The following LIMK2 variants were observed in gnomAD, a reference collection of about 807,000 sequenced individuals.
LIMK2 encodes LIM domain kinase 2.
Under a neutral mutation model 75.7 loss-of-function variants are expected in LIMK2, and 35 were observed. The ratio of observed to expected loss-of-function variants is 0.46; its 90% CI spans 0.35 to 0.61. The LOEUF (loss-of-function observed/expected upper bound fraction) is 0.61. Among genes scored for constraint, LIMK2 ranks in the 20% least tolerant of loss-of-function variants. The probability of loss-of-function intolerance (pLI) is 0.00; values close to 1 mark genes in which losing one functional copy is unlikely to be tolerated. For missense variants in LIMK2, 623 were observed against 831.0 expected (o/e 0.75, Z 3.08); for synonymous variants, 301 against 319.2 (o/e 0.94, Z 0.61).
chr22:31,275,494 TAGC>T (rs1165324659), intron 15 of LIMK2, 186 bp downstream of exon 15: 3 of 594,174 alleles, frequency 5.0e-6, no homozygotes, highest in Non-Finnish European at 8.9e-6. Context: ...GGTAAAGACA[TAGC>T]AGCAAGTAAT....
intron 15 of LIMK2, chr22:31,275,644 G>T: frequency 4.7e-6 from 1 of 212,398 alleles, no homozygotes; most frequent in Non-Finnish European, 9.4e-6. Flanking sequence ...TTTTTTTATA[G>T]TAAATAGTTC....
chr22:31,236,293 T>TAAAA (rs58401512), intron 2 of LIMK2, among the ~76,000 whole-genome samples: 2 of 104,142 alleles, frequency 1.9e-5, no homozygotes, highest in Admixed American at 1.0e-4. Flanking sequence ...AGACTCAGTC[T>TAAAA]AAAAAAAAAA....
intron 15 of LIMK2, chr22:31,276,882 C>G (rs745979430): frequency 5.0e-6 from 8 of 1,612,632 alleles, no homozygotes; most frequent in East Asian, 4.5e-5. Flanking sequence ...AGTATGACCC[C>G]AAGGAGCTAC....
intron 2 of LIMK2, among the ~76,000 whole-genome samples, chr22:31,256,897 A>G (rs547015166): frequency 1.3e-5 from 2 of 152,286 alleles, no homozygotes; most frequent in Non-Finnish European, 2.9e-5. Flanking sequence ...TGGGCTCAGC[A>G]GGCCAGGGAG....
chr22:31,238,981 A>G (rs1319192735), intron 2 of LIMK2, among the ~76,000 whole-genome samples: 2 of 152,252 alleles, frequency 1.3e-5, no homozygotes, highest in East Asian at 1.9e-4. Context: ...AGTATCATGG[A>G]GCAACAGTGG....
At chr22:31,239,963 T>A (rs2048610742) in intron 2 of LIMK2, among the ~76,000 whole-genome samples, 1 of 152,126 alleles carries the variant, frequency 6.6e-6, no homozygotes, top group Admixed American at 6.5e-5. Flanking sequence ...AAGACCTCAG[T>A]CTGTAAATGT....
intron 1 of LIMK2, among the ~76,000 whole-genome samples, chr22:31,213,129 T>C (rs953472569): frequency 3.3e-5 from 5 of 152,174 alleles, no homozygotes; most frequent in African/African-American, 1.2e-4. Flanking sequence ...AGTCCTCCTG[T>C]GGAAGCTCCC....
chr22:31,220,684 C>T (rs1352462922), intron 1 of LIMK2, among the ~76,000 whole-genome samples: 2 of 152,176 alleles, frequency 1.3e-5, no homozygotes, highest in Non-Finnish European at 2.9e-5. Context: ...ATTAAGGGGC[C>T]GGGAGCAGTG....
intron 2 of LIMK2, among the ~76,000 whole-genome samples, chr22:31,246,821 A>G (rs990644895): frequency 3.9e-5 from 6 of 152,046 alleles, no homozygotes; most frequent in Non-Finnish European, 7.4e-5. Flanking sequence ...TCTTGAGAAT[A>G]GTGACATAAC....
intron 2 of LIMK2, chr22:31,248,339 G>A (rs1282939399): frequency 9.8e-6 from 12 of 1,229,428 alleles, no homozygotes; most frequent in African/African-American, 1.6e-5. Flanking sequence ...ATTCAGGGGT[G>A]GGACTGAAGA....
rs778166617 is a variant in LIMK2 at position 31,266,042 on chromosome 22, T to C, written c.951T>C (p.Cys317=). Reference sequence around the variant, plus strand: ...TCAGCCGCTCAGAATCCCTTCGTTGTTCCAGCAGCTATTCACAGCAGATCT... The same window carrying C: ...TCAGCCGCTCAGAATCCCTTCGTTGCTCCAGCAGCTATTCACAGCAGATCT... ...RDISRSESLR[C]SSSYSQQIFR... The change falls in exon 8 of 16, where the codon TGT becomes TGC. Residue 317 remains cysteine, a synonymous_variant. Transcript: ENST00000331728. 3 of 1,614,198 alleles carry C rather than the reference T, an allele frequency of 1.9e-6. No individual in the cohort carries two copies. Among genetic ancestry groups the C allele is most frequent in the Non-Finnish European group, 2.5e-6 (3 of 1,180,030 alleles).
chr22:31,278,281 C>T lies in LIMK2; in HGVS notation c.1773-16C>T, dbSNP rs748833936. 1.3e-5 allele frequency: 21 copies of T among 1,604,968 alleles called. No homozygotes were observed. In the African/African-American group the frequency reaches 2.4e-4, roughly 18 times the overall value. ...TCATGTTCCACCTGCCTCTAATTTA[C>T]CTCTTTTCCTTCTAGACCAGCATTC... On this transcript the variant is annotated splice_polypyrimidine_tract_variant and intron_variant, in intron 15 of 15. Transcript: ENST00000331728.
chr22:31,229,688 G>A (rs771115380), intron 2 of LIMK2, among the ~76,000 whole-genome samples: 1 of 152,136 alleles, frequency 6.6e-6, no homozygotes, highest in Non-Finnish European at 1.5e-5. Context: ...GTCACAGGGT[G>A]GGGCTGGATA....
At position 31,278,626 on chromosome 22, in the gene LIMK2, A is replaced by C; in HGVS notation, c.*185A>C. 8 of 493,624 alleles carry C rather than the reference A, an allele frequency of 1.6e-5. No homozygotes were observed. The highest frequency in any genetic ancestry group is 7.8e-5 in the South Asian group (2 of 25,728). 30.6% of individuals were successfully genotyped at this position (493,624 alleles called of 1,614,324 possible). A position where few individuals can be genotyped will look rare whatever the true frequency, so the allele number is the denominator to read the frequency against. ...CGCAGCACCAGGGAAATGTATCTCCACAGGTTCTGGGGCCTAGTTACTGTC... is the reference window on the plus strand; with the variant it reads ...CGCAGCACCAGGGAAATGTATCTCCCCAGGTTCTGGGGCCTAGTTACTGTC... On this transcript the variant is annotated 3_prime_UTR_variant, in exon 16 of 16. Transcript: ENST00000331728.
chr22:31,237,538 G>C (rs1011620034), intron 2 of LIMK2, among the ~76,000 whole-genome samples: 3 of 150,166 alleles, frequency 2.0e-5, no homozygotes, highest in African/African-American at 7.4e-5. Context: ...CCCTCCAGTA[G>C]AGTGAGATTC....
At chr22:31,228,962 G>GAAA (rs3216414) in intron 2 of LIMK2, among the ~76,000 whole-genome samples, 4 of 148,126 alleles carry the variant, frequency 2.7e-5, no homozygotes, top group African/African-American at 7.4e-5. Flanking sequence ...CAAAACAAAT[G>GAAA]AAAAAAAAAA....
At chr22:31,252,831 A>G (rs1425742079) in intron 2 of LIMK2, among the ~76,000 whole-genome samples, 3 of 152,258 alleles carry the variant, frequency 2.0e-5, no homozygotes, top group Non-Finnish European at 2.9e-5. Flanking sequence ...AGCAATGTAC[A>G]AGTGAGGAAA....
rs144719111 is a variant in LIMK2, at chr22:31,275,258, G to A, written c.1722G>A (p.Pro574=). 713 of 1,614,172 alleles carry A rather than the reference G, an allele frequency of 4.4e-4. 6 individuals are homozygous for A. Among genetic ancestry groups the A allele is most frequent in the South Asian group, 3.6e-3 (324 of 91,066 alleles). ...AGTTTGTTCCCACAGATTGTCCCCCGGCCTTCTTCCCGCTGGCCGCCATCT... is the reference window on the plus strand; with the variant it reads ...AGTTTGTTCCCACAGATTGTCCCCCAGCCTTCTTCCCGCTGGCCGCCATCT... The part of the protein sequence containing the change: ...WEKFVPTDCP[P]AFFPLAAICC... The change falls in exon 15 of 16, where the codon CCG becomes CCA. Residue 574 remains proline, a synonymous_variant. Coordinates refer to ENST00000331728, the MANE Select transcript of LIMK2 (RefSeq NM_005569.4).
At position 31,262,491 on chromosome 22, in the gene LIMK2, G is replaced by T; in HGVS notation, c.658-104G>T. ...CACTGGCAGCTAAAGGCCACCATTA[G>T]ACAAGTTGAGCACTGGCCACACTGT... On this transcript the variant is annotated intron_variant, in intron 6 of 15. Transcript: ENST00000331728. The surrounding 1 kb of genome is among the most constrained non-coding windows in gnomAD (Gnocchi z 5.0). The T allele has an allele frequency of 1.7e-6, 2 of 1,161,492 alleles. No homozygotes were observed. The highest frequency in any genetic ancestry group is 1.2e-6 in the Non-Finnish European group (1 of 803,232). 71.9% of individuals were successfully genotyped at this position (1,161,492 alleles called of 1,614,324 possible).
Sources: allele counts gnomAD v4.1 joint callset (sites outside exome capture counted in the v4.1 genomes callset), GRCh38; gene constraint gnomAD v4.1.1; non-coding constraint Gnocchi (gnomAD v3.1); transcripts MANE v1.5; gene names NCBI Gene and HGNC (gene_info 2026-07-23, HGNC 2026-07-21).